The following ANKH variants were observed in gnomAD, a reference collection of about 807,000 sequenced individuals.
ANKH encodes mineralization regulator ANKH.
ANKH carries 15 observed loss-of-function variants against 49.0 expected under a neutral mutation model. That is an observed-to-expected ratio of 0.31 (90% CI 0.20 to 0.47). The LOEUF (loss-of-function observed/expected upper bound fraction) is 0.47, where lower values mean the gene tolerates loss of function less well. Among genes scored for constraint, ANKH ranks in the 20% least tolerant of loss-of-function variants. ANKH has a pLI of 1.00. For missense variants in ANKH, 429 were observed against 652.0 expected (o/e 0.66, Z 3.72); for synonymous variants, 273 against 260.0 (o/e 1.05, Z -0.48).
chr5:14,798,491 A>ATTTT, intron 1 of ANKH: 3 of 852,158 alleles, frequency 3.5e-6, no homozygotes, highest in Non-Finnish European at 5.1e-6. Flanking sequence ...CGCGGTCTCT[A>ATTTT]TTTTTTTTTT....
intron 8 of ANKH, among the ~76,000 whole-genome samples, chr5:14,731,310 A>G (rs1239999564): frequency 1.3e-5 from 2 of 152,212 alleles, no homozygotes; most frequent in African/African-American, 4.8e-5. Flanking sequence ...GTACCAAACA[A>G]TGTGTCCATA....
chr5:14,714,449 AAG>A (rs1737366545), intron 9 of ANKH, among the ~76,000 whole-genome samples: 3 of 151,998 alleles, frequency 2.0e-5, no homozygotes, highest in Admixed American at 2.0e-4. Flanking sequence ...CTGGGCCTTG[AAG>A]AGAGGGCCTG....
intron 1 of ANKH, among the ~76,000 whole-genome samples, chr5:14,824,664 C>T (rs1356340828): frequency 6.6e-6 from 1 of 152,194 alleles, no homozygotes; most frequent in Non-Finnish European, 1.5e-5. Context: ...TGCCAACACT[C>T]CTGGTTCCCA....
At chr5:14,732,538 C>A (rs1439362774) in intron 8 of ANKH, among the ~76,000 whole-genome samples, 4 of 151,292 alleles carry the variant, frequency 2.6e-5, no homozygotes, top group South Asian at 2.1e-4. Flanking sequence ...TAAAATATAC[C>A]CCTAGCTACT....
At chr5:14,729,343 A>G (rs1580011233) in intron 8 of ANKH, among the ~76,000 whole-genome samples, 1 of 145,164 alleles carries the variant, frequency 6.9e-6, no homozygotes. Context: ...GTGTGCCACC[A>G]CGCCCCACTA....
At chr5:14,768,799 A>G in intron 2 of ANKH, 176 bp downstream of exon 2, 1 of 692,400 alleles carries the variant, frequency 1.4e-6, no homozygotes, top group South Asian at 1.8e-5. Flanking sequence ...CAGAAAAAAC[A>G]CATTATTGTC....
At chr5:14,849,611 C>T (rs2126619732) in intron 1 of ANKH, among the ~76,000 whole-genome samples, 1 of 152,312 alleles carries the variant, frequency 6.6e-6, no homozygotes, top group South Asian at 2.1e-4. Flanking sequence ...GGTTTGGCCA[C>T]AGCCCACTCT....
At chr5:14,732,409 C>T (rs2126449832) in intron 8 of ANKH, among the ~76,000 whole-genome samples, 1 of 152,036 alleles carries the variant, frequency 6.6e-6, no homozygotes, top group East Asian at 1.9e-4. Context: ...AAGAGACTGG[C>T]TTTTAAAAAA....
At chr5:14,765,774 T>C (rs1226404926) in intron 2 of ANKH, among the ~76,000 whole-genome samples, 3 of 152,310 alleles carry the variant, frequency 2.0e-5, no homozygotes, top group African/African-American at 7.2e-5. Context: ...GTCTCAATCA[T>C]CCTGCTGCGA....
chr5:14,757,602 T>C (rs983200762), intron 3 of ANKH, among the ~76,000 whole-genome samples: 4 of 152,006 alleles, frequency 2.6e-5, no homozygotes, highest in Non-Finnish European at 1.5e-5. Flanking sequence ...CCTACCAGTA[T>C]GTTCAACAGA....
At chr5:14,838,337 T>C (rs942174786) in intron 1 of ANKH, among the ~76,000 whole-genome samples, 14 of 151,946 alleles carry the variant, frequency 9.2e-5, no homozygotes, top group African/African-American at 3.4e-4. Flanking sequence ...TATACATATG[T>C]AATAAACCTG....
intron 5 of ANKH, among the ~76,000 whole-genome samples, chr5:14,750,649 T>C (rs928943986): frequency 6.6e-6 from 1 of 152,300 alleles, no homozygotes; most frequent in East Asian, 1.9e-4. Flanking sequence ...GGGACTGGGA[T>C]TGGCCATTGA....
At position 14,706,009 on chromosome 5, in the gene ANKH, A is replaced by C. The variant is rs758486289; in HGVS notation, c.*5188T>G. 2 of 152,174 alleles carry C rather than the reference A, an allele frequency of 1.3e-5. No individual in the cohort carries two copies. Among genetic ancestry groups the C allele is most frequent in the Non-Finnish European group, 2.9e-5 (2 of 68,022 alleles). The allele number at this position is 152,174 out of a possible 1,614,324, so 9.4% of individuals were successfully genotyped here. On this transcript the variant is annotated 3_prime_UTR_variant, in exon 12 of 12. Coordinates refer to ENST00000284268, the MANE Select transcript of ANKH (RefSeq NM_054027.6). ...TCTAAATCTTATAGTGAGAATTTCC[A>C]TGAGGTTGTACAGTGAGTGGTACAA...
chr5:14,865,940 A>G (rs1335680496), intron 1 of ANKH, among the ~76,000 whole-genome samples: 1 of 152,218 alleles, frequency 6.6e-6, no homozygotes, highest in African/African-American at 2.4e-5. Context: ...ATTCATGTGC[A>G]AAACTCTCCA....
chr5:14,864,008 A>G (rs1488217197), intron 1 of ANKH, among the ~76,000 whole-genome samples: 1 of 152,174 alleles, frequency 6.6e-6, no homozygotes, highest in African/African-American at 2.4e-5. Flanking sequence ...TAAGCCCAGG[A>G]GTTCGAGACC....
intron 1 of ANKH, among the ~76,000 whole-genome samples, chr5:14,793,935 T>C (rs997784804): frequency 2.6e-5 from 4 of 152,222 alleles, no homozygotes; most frequent in Admixed American, 1.3e-4. Flanking sequence ...TTTCTCTAAG[T>C]AGAAGAAGTA....
At chr5:14,856,934 T>C (rs962664133) in intron 1 of ANKH, among the ~76,000 whole-genome samples, 1 of 152,088 alleles carries the variant, frequency 6.6e-6, no homozygotes, top group African/African-American at 2.4e-5. Context: ...TGTGGATGTT[T>C]TTTTCTCCTT....
chr5:14,834,381 G>GGTAA (rs1307479470), intron 1 of ANKH, among the ~76,000 whole-genome samples: 1 of 152,144 alleles, frequency 6.6e-6, no homozygotes, highest in Non-Finnish European at 1.5e-5. Context: ...TTACATTCAA[G>GGTAA]GTAAGCATGC....
At chr5:14,805,485 TACACAC>T (rs111728811) in intron 1 of ANKH, among the ~76,000 whole-genome samples, 11 of 132,226 alleles carry the variant, frequency 8.3e-5, no homozygotes, top group South Asian at 5.4e-4. Flanking sequence ...GTTTATAGGA[TACACAC>T]ACACACACAC....
Sources: gnomAD v4.1 joint callset for allele counts (sites outside exome capture counted in the v4.1 genomes callset) on GRCh38, gnomAD v4.1.1 for gene constraint, MANE v1.5 for transcripts, NCBI Gene and HGNC (gene_info 2026-07-23, HGNC 2026-07-21) for gene names.